ARHGAP24: variants seen among roughly 807,000 people sequenced by gnomAD.
ARHGAP24 encodes Rho GTPase activating protein 24.
In ARHGAP24, 50 loss-of-function variants were observed where a neutral mutation model predicts 76.4. The observed-to-expected ratio is 0.65, with a 90% CI of 0.52 to 0.83. ARHGAP24 has a LOEUF of 0.83. ARHGAP24 is among the 40% of genes least tolerant of loss of function. ARHGAP24 has a pLI of 0.00. For missense variants in ARHGAP24, 930 were observed against 914.2 expected, an observed-to-expected ratio of 1.02 and a Z score of -0.22; for synonymous variants, 345 against 323.3, an observed-to-expected ratio of 1.07 and a Z score of -0.72.
intron 2 of ARHGAP24, among the ~76,000 whole-genome samples, chr4:85,668,335 A>G (rs1175676091): frequency 1.3e-5 from 2 of 152,214 alleles, no homozygotes; most frequent in African/African-American, 4.8e-5. Context: ...TCATCTATCT[A>G]TTCAACAACT....
chr4:85,859,053 C>T (rs1731737500), intron 3 of ARHGAP24, among the ~76,000 whole-genome samples: 1 of 152,222 alleles, frequency 6.6e-6, no homozygotes, highest in South Asian at 2.1e-4. Context: ...AAAGGCCTTT[C>T]TCACTTTCAC....
At chr4:85,959,849 T>C (rs1157179490) in intron 5 of ARHGAP24, among the ~76,000 whole-genome samples, 1 of 152,222 alleles carries the variant, frequency 6.6e-6, no homozygotes, top group Non-Finnish European at 1.5e-5. Flanking sequence ...CTACCCATTC[T>C]AGTGAATATG....
At chr4:85,856,237 C>T (rs1329629229) in intron 3 of ARHGAP24, among the ~76,000 whole-genome samples, 1 of 151,918 alleles carries the variant, frequency 6.6e-6, no homozygotes, top group African/African-American at 2.4e-5. Context: ...TATTTATGTA[C>T]TTTCGGGCCA....
chr4:85,525,384 A>G (rs767442590), intron 1 of ARHGAP24, among the ~76,000 whole-genome samples: 52 of 147,872 alleles, frequency 3.5e-4, no homozygotes, highest in Admixed American at 1.8e-3. Flanking sequence ...TCCTTTTTGC[A>G]TTCTTTAAGC....
intron 3 of ARHGAP24, among the ~76,000 whole-genome samples, chr4:85,736,713 A>AT (rs960378727): frequency 6.6e-6 from 1 of 152,116 alleles, no homozygotes; most frequent in African/African-American, 2.4e-5. Context: ...AGGAGAAGAG[A>AT]TTTTTGTTTC....
chr4:85,481,373 A>G (rs1284402723), intron 1 of ARHGAP24, among the ~76,000 whole-genome samples: 1 of 152,180 alleles, frequency 6.6e-6, no homozygotes, highest in Non-Finnish European at 1.5e-5. Flanking sequence ...TGAATTTTCA[A>G]ATAATAAACT....
intron 2 of ARHGAP24, among the ~76,000 whole-genome samples, chr4:85,603,704 T>G (rs1232922550): frequency 6.6e-6 from 1 of 152,178 alleles, no homozygotes; most frequent in Non-Finnish European, 1.5e-5. Context: ...CATTCTCTCA[T>G]TTCATATTTC....
chr4:85,755,309 A>G (rs1462731636), intron 3 of ARHGAP24, among the ~76,000 whole-genome samples: 3 of 152,136 alleles, frequency 2.0e-5, no homozygotes. Context: ...TCTATTGTAG[A>G]GAAGTCCATT....
chr4:85,763,473 AC>A (rs1172266408), intron 3 of ARHGAP24, among the ~76,000 whole-genome samples: 1 of 152,080 alleles, frequency 6.6e-6, no homozygotes, highest in African/African-American at 2.4e-5. Flanking sequence ...CCTACCAACA[AC>A]AAGAGGCAAG....
At chr4:85,942,726 A>G (rs1018410177) in intron 5 of ARHGAP24, among the ~76,000 whole-genome samples, 3 of 152,132 alleles carry the variant, frequency 2.0e-5, no homozygotes, top group Non-Finnish European at 4.4e-5. Flanking sequence ...ACTTTAATCT[A>G]GAATAGTTTT....
At chr4:85,510,831 C>T (rs892195206) in intron 1 of ARHGAP24, among the ~76,000 whole-genome samples, 7 of 6,992 alleles carry the variant, frequency 1.0e-3, no homozygotes, top group Non-Finnish European at 5.6e-3. Context: ...CCTTCTCTCT[C>T]GCTCTCTCTC....
intron 4 of ARHGAP24, chr4:85,924,845 A>G (rs1008347047): frequency 6.6e-6 from 1 of 152,196 alleles, no homozygotes; most frequent in Non-Finnish European, 1.5e-5. Context: ...ATCTTCTGTT[A>G]AGGAAAGGGA....
At chr4:85,868,035 G>A (rs1359553104) in intron 3 of ARHGAP24, among the ~76,000 whole-genome samples, 4 of 151,736 alleles carry the variant, frequency 2.6e-5, no homozygotes, top group Non-Finnish European at 5.9e-5. Context: ...AAGAACATGT[G>A]CTCAAAGTGG....
At chr4:85,613,496 T>G (rs1033404778) in intron 2 of ARHGAP24, among the ~76,000 whole-genome samples, 4 of 152,248 alleles carry the variant, frequency 2.6e-5, no homozygotes, top group African/African-American at 9.6e-5. Context: ...TTTGATGTTT[T>G]GCTGACTGGC....
At chr4:85,642,699 CACT>C (rs1721571657) in intron 2 of ARHGAP24, among the ~76,000 whole-genome samples, 2 of 152,108 alleles carry the variant, frequency 1.3e-5, no homozygotes, top group South Asian at 4.1e-4. Flanking sequence ...GTGTCTGAGC[CACT>C]ATCATTTCTT....
Position 85,974,929 on chromosome 4 carries a change from G to A in ARHGAP24, c.774G>A (p.Val258=), listed in dbSNP as rs767385295. 12 of 1,613,746 alleles carry A rather than the reference G, an allele frequency of 7.4e-6. No homozygotes were observed. The highest frequency in any genetic ancestry group is 2.2e-5 in the East Asian group (1 of 44,854). ...CAAAGCAGGTGAAGAGTTTGCCAGT[G>A]GTAAATTACAACCTCCTCAAGTATA... ...ELAKQVKSLP[V]VNYNLLKYIC... Residue 258 remains valine (V), a synonymous_variant, in exon 7 of 10, where the codon GTG becomes GTA. Transcript: ENST00000395184.
intron 2 of ARHGAP24, among the ~76,000 whole-genome samples, chr4:85,573,194 G>T (rs1245401060): frequency 6.6e-6 from 1 of 151,998 alleles, no homozygotes; most frequent in Non-Finnish European, 1.5e-5. Flanking sequence ...AAATAACTTT[G>T]AATTTTCTTT....
chr4:85,829,448 A>C (rs912944881), intron 3 of ARHGAP24, among the ~76,000 whole-genome samples: 2 of 152,176 alleles, frequency 1.3e-5, no homozygotes, highest in South Asian at 4.1e-4. Flanking sequence ...AGTTCCTGGG[A>C]CACTCTCTTC....
intron 2 of ARHGAP24, among the ~76,000 whole-genome samples, chr4:85,608,693 G>T (rs191033960): frequency 1.3e-5 from 2 of 151,106 alleles, no homozygotes; most frequent in Admixed American, 6.6e-5. Context: ...GAGTAGCAGG[G>T]ATTATAGGTG....
Sources: gnomAD v4.1 joint callset for allele counts (sites outside exome capture counted in the v4.1 genomes callset) on GRCh38, gnomAD v4.1.1 for gene constraint, MANE v1.5 for transcripts, NCBI Gene and HGNC (gene_info 2026-07-23, HGNC 2026-07-21) for gene names.